The following GALNT2 variants were observed in gnomAD, a reference collection of about 807,000 sequenced individuals.
The protein encoded by GALNT2 is polypeptide N-acetylgalactosaminyltransferase 2.
In GALNT2, 31 loss-of-function variants were observed where a neutral mutation model predicts 81.4. That is an observed-to-expected ratio of 0.38 (90% CI 0.29 to 0.51). The LOEUF (loss-of-function observed/expected upper bound fraction) is 0.51, where lower values mean the gene tolerates loss of function less well. GALNT2 is among the 20% of genes least tolerant of loss of function. The pLI, the probability that GALNT2 is intolerant of heterozygous loss-of-function variation, is 0.87. For missense variants in GALNT2, 629 were observed against 765.7 expected (o/e 0.82, Z 2.11); for synonymous variants, 303 against 287.4 (o/e 1.05, Z -0.55).
chr1:230,104,245 G>C (rs1350535971), intron 1 of GALNT2, among the ~76,000 whole-genome samples: 1 of 152,118 alleles, frequency 6.6e-6, no homozygotes, highest in East Asian at 1.9e-4. Context: ...AGAGCTCCCC[G>C]AACAGGGTCT....
chr1:230,063,520 A>C (rs987916013), upstream of GALNT2, among the ~76,000 whole-genome samples: 4 of 152,096 alleles, frequency 2.6e-5, no homozygotes, highest in Non-Finnish European at 4.4e-5. Context: ...TGTCACATCT[A>C]GCTATTCTTC....
chr1:230,103,441 C>G (rs1005419456), intron 1 of GALNT2, among the ~76,000 whole-genome samples: 1 of 152,232 alleles, frequency 6.6e-6, no homozygotes, highest in Non-Finnish European at 1.5e-5. Flanking sequence ...CAGCAGCCCC[C>G]CTTTTCTCCC....
intron 1 of GALNT2, among the ~76,000 whole-genome samples, chr1:230,152,361 A>G (rs1662117819): frequency 6.6e-6 from 1 of 152,160 alleles, no homozygotes; most frequent in Admixed American, 6.5e-5. Flanking sequence ...TGACTCTTTC[A>G]AAGATGAGGG....
intron 1 of GALNT2, among the ~76,000 whole-genome samples, chr1:230,173,117 C>A (rs1455530629): frequency 6.6e-6 from 1 of 152,324 alleles, no homozygotes; most frequent in African/African-American, 2.4e-5. Context: ...TAATCACTAC[C>A]ATCTGGGGTA....
At chr1:230,236,820 G>A (rs1665047997) in intron 6 of GALNT2, 95 bp downstream of exon 6, 2 of 1,270,230 alleles carry the variant, frequency 1.6e-6, no homozygotes, top group Non-Finnish European at 2.2e-6. Flanking sequence ...GCAATTAATT[G>A]TCTAGCTTTT....
At chr1:230,222,424 T>C (rs990325926) in intron 3 of GALNT2, among the ~76,000 whole-genome samples, 3 of 152,200 alleles carry the variant, frequency 2.0e-5, no homozygotes, top group African/African-American at 7.2e-5. Flanking sequence ...TGGCTGAGTC[T>C]CATAATACGA....
chr1:230,258,839 C>A (rs1005762128), intron 11 of GALNT2: 2 of 152,182 alleles, frequency 1.3e-5, no homozygotes. Flanking sequence ...CGCCCCACAC[C>A]AAAGCCATTG....
intron 5 of GALNT2, 112 bp from the exon 6 acceptor site, chr1:230,236,548 G>A: frequency 2.8e-6 from 4 of 1,410,518 alleles, no homozygotes; most frequent in Non-Finnish European, 4.0e-6. Flanking sequence ...AGGTGCCTCT[G>A]TGATGCCCCA....
At position 230,246,046 on chromosome 1, in the gene GALNT2, C is replaced by T. The variant is rs1178628041; in HGVS notation, c.730-17C>T. ...TTTGCTGGGATTTTGATAACTACTC[C>T]TCTCTTTGTATTTTAGGACAGGACT... On this transcript the variant is annotated splice_polypyrimidine_tract_variant and intron_variant, in intron 7 of 15. Coordinates refer to ENST00000366672, the MANE Select transcript of GALNT2 (RefSeq NM_004481.5). 1 of 1,603,170 alleles carries T rather than the reference C, an allele frequency of 6.2e-7. No individual in the cohort carries two copies. The highest frequency in any genetic ancestry group is 1.3e-5 in the African/African-American group (1 of 74,696).
At chr1:230,114,233 T>C (rs533377045) in intron 1 of GALNT2, among the ~76,000 whole-genome samples, 1 of 152,172 alleles carries the variant, frequency 6.6e-6, no homozygotes, top group Non-Finnish European at 1.5e-5. Flanking sequence ...TCCTGGTGTT[T>C]CCGCGCCTCA....
chr1:230,265,909 C>T (rs1018241555), intron 14 of GALNT2, among the ~76,000 whole-genome samples: 1 of 152,206 alleles, frequency 6.6e-6, no homozygotes, highest in Non-Finnish European at 1.5e-5. Flanking sequence ...AAATGCACAA[C>T]CGCCAGGCGC....
chr1:230,094,727 A>G (rs1200740009), intron 1 of GALNT2, among the ~76,000 whole-genome samples: 2 of 152,228 alleles, frequency 1.3e-5, no homozygotes, highest in African/African-American at 4.8e-5. Flanking sequence ...TAAAACTATT[A>G]CAAGAGAAAC....
intron 10 of GALNT2, among the ~76,000 whole-genome samples, chr1:230,251,006 A>G (rs1665530303): frequency 6.6e-6 from 1 of 152,186 alleles, no homozygotes; most frequent in African/African-American, 2.4e-5. Flanking sequence ...TCCCTTCTCG[A>G]CTACCTTTGC....
chr1:230,236,463 C>A (rs745725322), intron 5 of GALNT2, 43 bp downstream of exon 5: 27 of 1,591,002 alleles, frequency 1.7e-5, no homozygotes, highest in Non-Finnish European at 2.1e-5. Context: ...TGGCTCTTCT[C>A]TGGGCACCAG....
At chr1:230,079,628 A>G (rs1171972500) in intron 1 of GALNT2, among the ~76,000 whole-genome samples, 1 of 152,224 alleles carries the variant, frequency 6.6e-6, no homozygotes, top group East Asian at 1.9e-4. Context: ...TCAGGCTTGG[A>G]AGGTGCTGAT....
chr1:230,067,322 G>T lies in GALNT2; in HGVS notation c.42G>T (p.Leu14=). The change falls in exon 1 of 16, where the codon CTG becomes CTT. Residue 14 remains leucine (L), a synonymous_variant. Transcript: ENST00000366672. ...GGATGCTGCTCTGCTTCGCCTTCCT[G>T]TGGGTGCTGGGCATCGCCTACTACA... is the stretch of plus-strand genomic sequence containing the variant. ...RSRMLLCFAF[L]WVLGIAYYMY... is the part of the protein sequence containing the mutation. The T allele has an allele frequency of 3.6e-6, 5 of 1,391,008 alleles. No homozygotes were observed. Among genetic ancestry groups the T allele is most frequent in the Non-Finnish European group, 3.8e-6 (4 of 1,059,194 alleles). 86.2% of individuals were successfully genotyped at this position (1,391,008 alleles called of 1,614,324 possible).
chr1:230,159,174 C>A (rs1174213742), intron 1 of GALNT2, among the ~76,000 whole-genome samples: 1 of 152,188 alleles, frequency 6.6e-6, no homozygotes, highest in Non-Finnish European at 1.5e-5. Flanking sequence ...GTACCCCTGC[C>A]CTATTGGCTG....
At chr1:230,268,262 C>T (rs1415815413) in intron 14 of GALNT2, 1 of 152,182 alleles carries the variant, frequency 6.6e-6, no homozygotes, top group Non-Finnish European at 1.5e-5. Context: ...TCACCAAATG[C>T]AGACATGTGG....
At chr1:230,174,667 C>T (rs922983394) in intron 1 of GALNT2, among the ~76,000 whole-genome samples, 1 of 152,112 alleles carries the variant, frequency 6.6e-6, no homozygotes, top group African/African-American at 2.4e-5. Flanking sequence ...TCTGTCCCTC[C>T]GGGACCTGGA....
Sources: gnomAD v4.1 joint callset for allele counts (sites outside exome capture counted in the v4.1 genomes callset) on GRCh38, gnomAD v4.1.1 for gene constraint, MANE v1.5 for transcripts, NCBI Gene and HGNC (gene_info 2026-07-23, HGNC 2026-07-21) for gene names.